DLEU7: variants seen among roughly 807,000 people sequenced by gnomAD.
The protein encoded by DLEU7 is leukemia-associated protein 7.
Under a neutral mutation model 16.0 loss-of-function variants are expected in DLEU7, and 17 were observed. The ratio of observed to expected loss-of-function variants is 1.06; its 90% CI spans 0.73 to 1.59. The LOEUF is 1.59. Among genes scored for constraint, DLEU7 ranks in the 40% most tolerant of loss-of-function variants. The probability of loss-of-function intolerance (pLI) is 0.00; values close to 1 mark genes in which losing one functional copy is unlikely to be tolerated. For missense variants in DLEU7, 308 were observed against 314.9 expected (o/e 0.98, Z 0.17); for synonymous variants, 113 against 139.8 (o/e 0.81, Z 1.35).
intron 1 of DLEU7, among the ~76,000 whole-genome samples, chr13:50,764,680 A>G (rs1875046617): frequency 6.6e-6 from 1 of 152,166 alleles, no homozygotes; most frequent in African/African-American, 2.4e-5. Flanking sequence ...TGTCTTGGAG[A>G]TGAAGGGGCA....
rs1276749861 is a variant in DLEU7 at position 50,843,344 on chromosome 13, C to G, written c.303G>C (p.Leu101=). The part of the protein sequence containing the change: ...VRGAEGGAEL[L]PFPRDRGPCT... ...AGGGCCCGCGGTCCCGGGGGAAGGG[C>G]AGCAACTCGGCGCCCCCCTCAGCGC... is the stretch of plus-strand genomic sequence containing the variant. Residue 101 remains leucine (L), a synonymous_variant, in exon 1 of 2, where the codon CTG becomes CTC. Transcript: ENST00000504404. The surrounding 1 kb of genome is among the most constrained non-coding windows in gnomAD (Gnocchi z 5.7). 6.1e-6 allele frequency: 9 copies of G among 1,463,908 alleles called. No individual in the cohort carries two copies. Among genetic ancestry groups the G allele is most frequent in the South Asian group, 1.4e-5 (1 of 72,276 alleles). 90.7% of individuals were successfully genotyped at this position (1,463,908 alleles called of 1,614,324 possible). A position where few individuals can be genotyped will look rare whatever the true frequency, so the allele number is the denominator to read the frequency against.
At position 50,787,018 on chromosome 13, in the gene DLEU7, T is replaced by A. The variant is rs73186319; in HGVS notation, c.459+56170A>T. On this transcript the variant is annotated intron_variant, in intron 1 of 1. Coordinates refer to the DLEU7 transcript ENST00000400393. Reference sequence around the variant, plus strand: ...TGATGAGGTAAATCAAGGACATTATTCAAGAAAATCCTTGAGTGGCCTTTT... The same window carrying A: ...TGATGAGGTAAATCAAGGACATTATACAAGAAAATCCTTGAGTGGCCTTTT... Among the ~76,000 whole-genome samples, 1,098 of 152,322 alleles carry A rather than the reference T, an allele frequency of 7.2e-3. 7 individuals carry two copies. Among genetic ancestry groups the A allele is most frequent in the South Asian group, 0.025 (120 of 4,824 alleles).
At chr13:50,787,834 C>T (rs566425323) in intron 1 of DLEU7, among the ~76,000 whole-genome samples, 5 of 152,182 alleles carry the variant, frequency 3.3e-5, no homozygotes, top group East Asian at 3.9e-4. Flanking sequence ...TCACTCTCCA[C>T]TCATGTTGGA....
At chr13:50,775,947 T>A (rs984560996) in intron 1 of DLEU7, among the ~76,000 whole-genome samples, 25 of 152,254 alleles carry the variant, frequency 1.6e-4, no homozygotes, top group African/African-American at 5.8e-4. Context: ...TTTTGGTGAC[T>A]ATTTAATCTA....
downstream of DLEU7, chr13:50,711,811 A>G (rs1332782968): frequency 1.4e-5 from 2 of 138,318 alleles, no homozygotes; most frequent in African/African-American, 2.7e-5. Context: ...TACATGAGAA[A>G]GCAGGCTCTG....
chr13:50,794,637 G>A lies in DLEU7; in HGVS notation c.459+48551C>T, dbSNP rs183763622. On this transcript the variant is annotated intron_variant, in intron 1 of 1. Transcript: ENST00000400393. ...TGTGAGTTGGAAGACATTGGTAGTT[G>A]TAGTAGATTTGTTCTCAAAAGAGAA... 5.7e-3 allele frequency among the ~76,000 whole-genome samples: 871 copies of A among 152,296 alleles called. 7 individuals are homozygous for A. The highest frequency in any genetic ancestry group is 7.4e-3 in the Non-Finnish European group (501 of 68,018).
chr13:50,774,696 TTC>T (rs1875442517), intron 1 of DLEU7, among the ~76,000 whole-genome samples: 1 of 152,042 alleles, frequency 6.6e-6, no homozygotes, highest in Admixed American at 6.6e-5. Flanking sequence ...TTGCTCCATA[TTC>T]TCTCTCCTCT....
At chr13:50,810,246 A>G (rs1876526705) in intron 1 of DLEU7, among the ~76,000 whole-genome samples, 1 of 151,502 alleles carries the variant, frequency 6.6e-6, no homozygotes, top group Non-Finnish European at 1.5e-5. Flanking sequence ...GGTTGTAGGC[A>G]TTCACTCCTG....
intron 1 of DLEU7, among the ~76,000 whole-genome samples, chr13:50,788,492 G>A (rs561755581): frequency 6.6e-5 from 10 of 152,250 alleles, no homozygotes; most frequent in Admixed American, 5.2e-4. Flanking sequence ...GAACCTCATT[G>A]TCGAGGACAC....
At chr13:50,733,056 G>A (rs1196680074) in intron 1 of DLEU7, among the ~76,000 whole-genome samples, 6 of 152,122 alleles carry the variant, frequency 3.9e-5, no homozygotes, top group Admixed American at 1.3e-4. Context: ...ACACACAGTT[G>A]ACTACCTTTT....
At chr13:50,713,144 G>A (rs1873343929) in exon 2 of DLEU7, 5 of 1,554,392 alleles carry the variant, frequency 3.2e-6, no homozygotes, top group Non-Finnish European at 4.4e-6. Context: ...ATCCCATCTG[G>A]CATTCAGAAT....
exon 2 of DLEU7, chr13:50,712,336 T>C (rs1873315761): frequency 6.6e-6 from 1 of 152,232 alleles, no homozygotes; most frequent in South Asian, 2.1e-4. Context: ...CGTTTGTTTT[T>C]TTCCTTGAGG....
intron 1 of DLEU7, among the ~76,000 whole-genome samples, chr13:50,787,799 C>T (rs1875830222): frequency 6.6e-6 from 1 of 152,032 alleles, no homozygotes; most frequent in South Asian, 2.1e-4. Flanking sequence ...GTTCCACCCC[C>T]ATCTCCCCGA....
rs530553640 is a variant in DLEU7 at position 50,724,516 on chromosome 13, CA to C, written c.460-11277del. 6.4e-3 allele frequency among the ~76,000 whole-genome samples: 950 copies of C among 147,928 alleles called. 3 individuals are homozygous for C. The highest frequency in any genetic ancestry group is 0.011 in the Non-Finnish European group (712 of 66,922). ...TTTCCTACGGATGAAATCTGGCAGG[CA>C]AAAAAAAAGCAACAAAAACAAAAAT... is the stretch of plus-strand genomic sequence containing the variant. On this transcript the variant is annotated intron_variant, in intron 1 of 1. Coordinates refer to the DLEU7 transcript ENST00000400393.
At chr13:50,751,913 T>C (rs1281386039) in intron 1 of DLEU7, among the ~76,000 whole-genome samples, 1 of 149,864 alleles carries the variant, frequency 6.7e-6, no homozygotes, top group African/African-American at 2.5e-5. Context: ...TTTGTATTTT[T>C]TTTTGTTGTT....
intron 1 of DLEU7, among the ~76,000 whole-genome samples, chr13:50,798,177 A>G (rs1262335262): frequency 6.6e-6 from 1 of 152,146 alleles, no homozygotes; most frequent in East Asian, 1.9e-4. Context: ...ACCACTCATT[A>G]ATATTCATAA....
chr13:50,798,478 C>A (rs552022877), intron 1 of DLEU7, among the ~76,000 whole-genome samples: 7 of 152,258 alleles, frequency 4.6e-5, no homozygotes, highest in African/African-American at 1.7e-4. Flanking sequence ...GGCTAGGAGT[C>A]CAATGCCTTC....
intron 1 of DLEU7, among the ~76,000 whole-genome samples, chr13:50,831,715 G>T (rs1877272205): frequency 1.3e-5 from 2 of 152,184 alleles, no homozygotes; most frequent in Non-Finnish European, 2.9e-5. Context: ...GTCTCACTCA[G>T]TGCTCACCAC....
intron 1 of DLEU7, among the ~76,000 whole-genome samples, chr13:50,816,691 G>A (rs1352180527): frequency 6.6e-6 from 1 of 152,032 alleles, no homozygotes; most frequent in Non-Finnish European, 1.5e-5. Context: ...TATGAAAAGT[G>A]TCATTTGTGA....
Sources: gnomAD v4.1 joint callset for allele counts (sites outside exome capture counted in the v4.1 genomes callset) on GRCh38, gnomAD v4.1.1 for gene constraint, Gnocchi (gnomAD v3.1) non-coding constraint, MANE v1.5 for transcripts, NCBI Gene and HGNC (gene_info 2026-07-23, HGNC 2026-07-21) for gene names.